Variants in SRPK2 observed in about 807,000 individuals in gnomAD.
The protein encoded by SRPK2 is SRSF protein kinase 2.
Under a neutral mutation model 90.8 loss-of-function variants are expected in SRPK2, and 21 were observed. The ratio of observed to expected loss-of-function variants is 0.23; its 90% CI spans 0.16 to 0.33. SRPK2 has a LOEUF of 0.33. SRPK2 is among the 10% of genes least tolerant of loss of function. The pLI is 1.00. For synonymous variants in SRPK2, 288 were observed against 311.1 expected (o/e 0.93, Z 0.78); for missense variants, 620 against 869.0 (o/e 0.71, Z 3.60).
chr7:105,239,826 T>C (rs1466167721), intron 2 of SRPK2, among the ~76,000 whole-genome samples: 1 of 152,230 alleles, frequency 6.6e-6, no homozygotes, highest in African/African-American at 2.4e-5. Context: ...CCTGTTAAAC[T>C]AGGATCTTCG....
At chr7:105,215,516 A>T (rs1441905470) in intron 2 of SRPK2, among the ~76,000 whole-genome samples, 1 of 152,250 alleles carries the variant, frequency 6.6e-6, no homozygotes, top group African/African-American at 2.4e-5. Flanking sequence ...AAACATGTCC[A>T]CACAAAAACG....
intron 7 of SRPK2, among the ~76,000 whole-genome samples, chr7:105,149,148 A>C (rs1204657515): frequency 6.6e-6 from 1 of 152,174 alleles, no homozygotes; most frequent in African/African-American, 2.4e-5. Flanking sequence ...AGATAGAGGA[A>C]GGCCACTGTC....
intron 7 of SRPK2, among the ~76,000 whole-genome samples, chr7:105,148,670 G>T (rs1490984147): frequency 1.3e-5 from 2 of 152,192 alleles, no homozygotes; most frequent in African/African-American, 4.8e-5. Context: ...GACTGTTACT[G>T]TGTCTATGTA....
chr7:105,377,538 A>T (rs1820448893), intron 2 of SRPK2, among the ~76,000 whole-genome samples: 1 of 151,958 alleles, frequency 6.6e-6, no homozygotes, highest in Admixed American at 6.6e-5. Context: ...ACTGAAAAAA[A>T]AAAATACAAA....
chr7:105,312,180 G>C (rs965205548), intron 2 of SRPK2, among the ~76,000 whole-genome samples: 1 of 152,184 alleles, frequency 6.6e-6, no homozygotes, highest in South Asian at 2.1e-4. Context: ...AGTGGCTCAC[G>C]CCTGTAATCC....
upstream of SRPK2, among the ~76,000 whole-genome samples, chr7:105,393,613 A>G (rs1459612606): frequency 6.6e-6 from 1 of 151,316 alleles, no homozygotes; most frequent in African/African-American, 2.4e-5. Context: ...GTCTCACTCT[A>G]TGGACATGAG....
intron 2 of SRPK2, among the ~76,000 whole-genome samples, chr7:105,215,995 A>C (rs1797411966): frequency 6.6e-6 from 1 of 151,556 alleles, no homozygotes; most frequent in Non-Finnish European, 1.5e-5. Flanking sequence ...GTTCAAGGCT[A>C]TAATATGCCA....
At chr7:105,287,542 G>A (rs937807250) in intron 2 of SRPK2, among the ~76,000 whole-genome samples, 3 of 151,984 alleles carry the variant, frequency 2.0e-5, no homozygotes, top group Non-Finnish European at 4.4e-5. Context: ...TTCAAGACCA[G>A]CTTGGCCAAA....
Position 105,127,074 on chromosome 7 carries a change from C to A in SRPK2, c.1753-12G>T. The A allele has an allele frequency of 1.2e-6, 2 of 1,614,072 alleles. No homozygotes were observed. Among genetic ancestry groups the A allele is most frequent in the South Asian group, 1.1e-5 (1 of 91,078 alleles). ...GCCAGCTCAAATGCCTAGGATACAA[C>A]AGACGACATGCTAAGCACTTCAGAG... On this transcript the variant is annotated splice_polypyrimidine_tract_variant and intron_variant, in intron 13 of 15. Coordinates refer to ENST00000393651, the MANE Select transcript of SRPK2 (RefSeq NM_182692.3).
chr7:105,130,955 T>G (rs1375589926), intron 13 of SRPK2, among the ~76,000 whole-genome samples: 1 of 152,188 alleles, frequency 6.6e-6, no homozygotes, highest in African/African-American at 2.4e-5. Flanking sequence ...TTATTGATAT[T>G]TATGCCACTG....
intron 2 of SRPK2, among the ~76,000 whole-genome samples, chr7:105,335,583 G>C (rs1317340371): frequency 6.6e-6 from 1 of 151,274 alleles, no homozygotes; most frequent in Non-Finnish European, 1.5e-5. Flanking sequence ...ACTGAGCCCA[G>C]GAGGTGGAGG....
chr7:105,190,839 A>G (rs1794193550), intron 3 of SRPK2, among the ~76,000 whole-genome samples: 1 of 152,234 alleles, frequency 6.6e-6, no homozygotes, highest in Admixed American at 6.5e-5. Context: ...TTCCATCAAC[A>G]GTCAAACTCA....
chr7:105,312,971 G>A (rs1034067994), intron 2 of SRPK2, among the ~76,000 whole-genome samples: 1 of 151,822 alleles, frequency 6.6e-6, no homozygotes, highest in African/African-American at 2.4e-5. Context: ...TTCCAGAAAT[G>A]AATAAATAAA....
intron 7 of SRPK2, among the ~76,000 whole-genome samples, chr7:105,150,697 T>A (rs1805516193): frequency 6.6e-6 from 1 of 152,088 alleles, no homozygotes; most frequent in Non-Finnish European, 1.5e-5. Context: ...ATATGTGGAG[T>A]TCTATATCTG....
At chr7:105,340,777 G>A (rs1311494592) in intron 2 of SRPK2, among the ~76,000 whole-genome samples, 2 of 152,042 alleles carry the variant, frequency 1.3e-5, no homozygotes, top group Non-Finnish European at 2.9e-5. Flanking sequence ...AAGCAAGACT[G>A]TCAATTAAAA....
At chr7:105,203,586 A>T in intron 3 of SRPK2, 42 bp downstream of exon 3, 3 of 1,455,170 alleles carry the variant, frequency 2.1e-6, no homozygotes, top group African/African-American at 1.5e-5. Flanking sequence ...ACACAGCCCA[A>T]TGGGGAAGGC....
intron 3 of SRPK2, among the ~76,000 whole-genome samples, chr7:105,202,912 A>C (rs190100390): frequency 6.6e-6 from 1 of 152,370 alleles, no homozygotes; most frequent in Admixed American, 6.5e-5. Flanking sequence ...TACAGTGCAC[A>C]AGAGTTATAA....
intron 2 of SRPK2, among the ~76,000 whole-genome samples, chr7:105,223,094 G>A (rs935229926): frequency 1.3e-5 from 2 of 152,148 alleles, no homozygotes; most frequent in African/African-American, 4.8e-5. Context: ...TACAGTCCAG[G>A]GCCTCAGCCC....
At chr7:105,324,486 A>G (rs1271520273) in intron 2 of SRPK2, among the ~76,000 whole-genome samples, 1 of 152,192 alleles carries the variant, frequency 6.6e-6, no homozygotes, top group Non-Finnish European at 1.5e-5. Context: ...CAACCAGGCC[A>G]GACTATTCTT....
Sources: allele counts gnomAD v4.1 joint callset (sites outside exome capture counted in the v4.1 genomes callset), GRCh38; gene constraint gnomAD v4.1.1; transcripts MANE v1.5; gene names NCBI Gene and HGNC (gene_info 2026-07-23, HGNC 2026-07-21).